HPSE2: variants seen among roughly 807,000 people sequenced by gnomAD.
HPSE2 encodes heparanase 2 (inactive).
In HPSE2, 38 loss-of-function variants were observed where a neutral mutation model predicts 60.5. That is an observed-to-expected ratio of 0.63 (90% confidence interval 0.48 to 0.82). HPSE2 has a LOEUF of 0.82. HPSE2 is among the 40% of genes least tolerant of loss of function. The pLI, the probability that HPSE2 is intolerant of heterozygous loss-of-function variation, is 0.00. For missense variants in HPSE2, 713 were observed against 740.4 expected, an observed-to-expected ratio of 0.96 and a Z score of 0.43; for synonymous variants, 295 against 293.2, an observed-to-expected ratio of 1.01 and a Z score of -0.06.
chr10:99,137,524 T>C (rs1007438932), intron 3 of HPSE2, among the ~76,000 whole-genome samples: 3 of 152,194 alleles, frequency 2.0e-5, no homozygotes, highest in African/African-American at 4.8e-5. Flanking sequence ...CAAAACAGCA[T>C]GGTACTGGTA....
At chr10:99,202,771 C>A (rs1848618992) in intron 2 of HPSE2, among the ~76,000 whole-genome samples, 1 of 152,104 alleles carries the variant, frequency 6.6e-6, no homozygotes, top group Non-Finnish European at 1.5e-5. Flanking sequence ...ACTAACCACA[C>A]ACAAACGAAC....
At chr10:99,298,183 C>A in the HPSE2 span, among the ~76,000 whole-genome samples, 2 of 152,292 alleles carry the variant, frequency 1.3e-5, no homozygotes, top group African/African-American at 4.8e-5. Context: ...GCAACGCTGT[C>A]TACCCTTCCC....
intron 3 of HPSE2, among the ~76,000 whole-genome samples, chr10:98,765,258 G>A (rs1950094847): frequency 1.3e-5 from 2 of 151,994 alleles, no homozygotes; most frequent in African/African-American, 4.8e-5. Flanking sequence ...CATATTCTGG[G>A]CCATAACTTA....
intron 3 of HPSE2, among the ~76,000 whole-genome samples, chr10:99,050,490 T>C (rs371751611): frequency 6.6e-6 from 1 of 152,158 alleles, no homozygotes; most frequent in East Asian, 1.9e-4. Flanking sequence ...TCTGGGTATA[T>C]ATACAAAGGA....
intron 9 of HPSE2, among the ~76,000 whole-genome samples, chr10:98,572,662 C>T (rs374672659): frequency 1.6e-4 from 25 of 152,356 alleles, no homozygotes; most frequent in African/African-American, 5.0e-4. Flanking sequence ...AGCCTTCATG[C>T]TGATTCTACA....
chr10:99,101,418 C>G (rs1340488968), intron 3 of HPSE2, among the ~76,000 whole-genome samples: 1 of 152,182 alleles, frequency 6.6e-6, no homozygotes, highest in Non-Finnish European at 1.5e-5. Context: ...GTAAAGGGAT[C>G]AATTCAACAA....
intron 3 of HPSE2, among the ~76,000 whole-genome samples, chr10:98,903,454 A>G (rs893940995): frequency 2.0e-5 from 3 of 152,078 alleles, no homozygotes; most frequent in Non-Finnish European, 4.4e-5. Flanking sequence ...TGTTAAAGAT[A>G]AAAAAATAAA....
intron 11 of HPSE2, among the ~76,000 whole-genome samples, chr10:98,477,014 CTGT>C (rs1941050854): frequency 6.6e-6 from 1 of 152,082 alleles, no homozygotes; most frequent in Non-Finnish European, 1.5e-5. Context: ...TAGTACTGGA[CTGT>C]TGTTGTAGCA....
intron 6 of HPSE2, among the ~76,000 whole-genome samples, chr10:98,673,949 A>G (rs773417920): frequency 7.9e-5 from 12 of 152,174 alleles, no homozygotes; most frequent in Non-Finnish European, 1.2e-4. Context: ...CTTCATGTAC[A>G]TATGAAACAC....
intron 6 of HPSE2, among the ~76,000 whole-genome samples, chr10:98,665,464 C>T (rs887814877): frequency 6.6e-6 from 1 of 152,148 alleles, no homozygotes; most frequent in Non-Finnish European, 1.5e-5. Context: ...GTAAGACAAC[C>T]ATCCTCAAGG....
At chr10:98,768,300 C>T (rs1449768756) in intron 3 of HPSE2, among the ~76,000 whole-genome samples, 1 of 152,136 alleles carries the variant, frequency 6.6e-6, no homozygotes, top group East Asian at 1.9e-4. Flanking sequence ...GTTCAACACA[C>T]TTACTTGTTC....
intron 3 of HPSE2, among the ~76,000 whole-genome samples, chr10:98,983,129 C>G (rs918756445): frequency 1.3e-5 from 2 of 152,174 alleles, no homozygotes; most frequent in African/African-American, 4.8e-5. Context: ...TTTCCAAGAA[C>G]TGGAAGGCAG....
intron 4 of HPSE2, among the ~76,000 whole-genome samples, chr10:98,726,037 G>A (rs926249266): frequency 6.6e-6 from 1 of 152,088 alleles, no homozygotes; most frequent in African/African-American, 2.4e-5. Flanking sequence ...ACCATTGGTG[G>A]GACTGTAAAC....
the HPSE2 span, among the ~76,000 whole-genome samples, chr10:99,260,642 G>A: frequency 9.9e-5 from 15 of 152,242 alleles, no homozygotes; most frequent in Admixed American, 9.2e-4. Flanking sequence ...TCCCGGACTC[G>A]GGAAGACAGT....
intron 2 of HPSE2, among the ~76,000 whole-genome samples, chr10:99,211,920 A>G (rs1015610857): frequency 2.6e-5 from 4 of 152,174 alleles, no homozygotes; most frequent in Non-Finnish European, 5.9e-5. Context: ...GACAACCTAA[A>G]AAATGAGAAA....
At chr10:98,852,115 G>C (rs10786480) in intron 3 of HPSE2, among the ~76,000 whole-genome samples, 2 of 42,644 alleles carry the variant, frequency 4.7e-5, no homozygotes, top group African/African-American at 1.0e-4. Context: ...ATATTATGAT[G>C]TGTGTGTGTG....
intron 6 of HPSE2, among the ~76,000 whole-genome samples, chr10:98,687,074 C>T (rs543561272): frequency 6.8e-4 from 102 of 150,722 alleles, no homozygotes; most frequent in African/African-American, 2.4e-3. Flanking sequence ...TATTTTTTTT[C>T]TTTGTATATT....
chr10:99,060,554 A>G (rs1958214602), intron 3 of HPSE2, among the ~76,000 whole-genome samples: 1 of 147,978 alleles, frequency 6.8e-6, no homozygotes, highest in East Asian at 2.1e-4. Context: ...GCTACTCAGG[A>G]GGCTGAGGCA....
At chr10:98,655,600 T>C (rs903548522) in intron 6 of HPSE2, among the ~76,000 whole-genome samples, 5 of 152,178 alleles carry the variant, frequency 3.3e-5, no homozygotes, top group Non-Finnish European at 5.9e-5. Flanking sequence ...TGTATGAAAT[T>C]TCAGCTTTTT....
Sources: allele counts gnomAD v4.1 joint callset (sites outside exome capture counted in the v4.1 genomes callset), GRCh38; gene constraint gnomAD v4.1.1; transcripts MANE v1.5; gene names NCBI Gene and HGNC (gene_info 2026-07-23, HGNC 2026-07-21).